Variants in ESR1 observed in about 807,000 individuals in gnomAD.
The protein encoded by ESR1 is estrogen receptor.
ESR1 carries 12 observed loss-of-function variants against 52.7 expected under a neutral mutation model. The observed-to-expected ratio is 0.23, with a 90% CI of 0.15 to 0.37. The LOEUF (loss-of-function observed/expected upper bound fraction) is 0.37, where lower values mean the gene tolerates loss of function less well. Among genes scored for constraint, ESR1 ranks in the 10% least tolerant of loss-of-function variants. The probability of loss-of-function intolerance (pLI) is 1.00; values close to 1 mark genes in which losing one functional copy is unlikely to be tolerated. For missense variants in ESR1, 584 were observed against 779.7 expected, an observed-to-expected ratio of 0.75 and a Z score of 2.99; for synonymous variants, 305 against 316.8, an observed-to-expected ratio of 0.96 and a Z score of 0.39.
At chr6:151,683,800 G>A (rs1338819369) in intron 1 of ESR1, among the ~76,000 whole-genome samples, 3 of 151,182 alleles carry the variant, frequency 2.0e-5, no homozygotes, top group Admixed American at 6.6e-5. Flanking sequence ...CCAGGTTCAA[G>A]CAATTCTCTC....
At chr6:151,819,112 C>T (rs543427021) in intron 1 of ESR1, among the ~76,000 whole-genome samples, 15 of 152,274 alleles carry the variant, frequency 9.9e-5, no homozygotes, top group Admixed American at 3.3e-4. Flanking sequence ...TGTTCCATCT[C>T]TGTTAGGCTG....
upstream of ESR1, chr6:151,807,661 T>A: frequency 1.7e-6 from 1 of 593,804 alleles, no homozygotes; most frequent in South Asian, 2.0e-5. Context: ...GTACTTAAAG[T>A]TGGAGGCCCG....
At chr6:151,677,459 C>T (rs1218943548) in intron 1 of ESR1, among the ~76,000 whole-genome samples, 1 of 152,172 alleles carries the variant, frequency 6.6e-6, no homozygotes, top group South Asian at 2.1e-4. Flanking sequence ...AATGAATGTA[C>T]ACACAGAGCC....
chr6:152,027,868 G>A (rs540681983), intron 5 of ESR1, among the ~76,000 whole-genome samples: 3 of 152,276 alleles, frequency 2.0e-5, no homozygotes, highest in Admixed American at 2.0e-4. Context: ...TTGGGGGCGG[G>A]TGCGGTGGCT....
intron 4 of ESR1, among the ~76,000 whole-genome samples, chr6:152,000,369 T>C (rs1049130720): frequency 2.7e-4 from 41 of 151,996 alleles, no homozygotes; most frequent in African/African-American, 9.9e-4. Context: ...TATCACACAT[T>C]CCATCCTCAT....
chr6:151,681,201 T>C (rs1562326027), intron 1 of ESR1, among the ~76,000 whole-genome samples: 1 of 152,226 alleles, frequency 6.6e-6, no homozygotes, highest in Non-Finnish European at 1.5e-5. Flanking sequence ...CCCAGTCTTG[T>C]TTGCACATCC....
intron 6 of ESR1, chr6:152,122,295 A>G (rs1238984190): frequency 7.5e-7 from 1 of 1,325,198 alleles, no homozygotes; most frequent in African/African-American, 1.4e-5. Flanking sequence ...TAATTTGCAC[A>G]CATGTGATCT....
At chr6:151,819,963 G>A (rs1032173236) in intron 1 of ESR1, among the ~76,000 whole-genome samples, 5 of 152,186 alleles carry the variant, frequency 3.3e-5, no homozygotes, top group Non-Finnish European at 4.4e-5. Flanking sequence ...TAGGTGCAGA[G>A]ATTGGGAACA....
intron 6 of ESR1, among the ~76,000 whole-genome samples, chr6:152,080,274 A>G (rs921993036): frequency 6.0e-5 from 9 of 151,260 alleles, no homozygotes; most frequent in African/African-American, 2.2e-4. Flanking sequence ...AGGGAAGCCC[A>G]TCAGACTAAT....
chr6:151,747,156 T>C (rs73621046), intron 2 of ESR1, among the ~76,000 whole-genome samples: 105 of 152,326 alleles, frequency 6.9e-4, no homozygotes, highest in African/African-American at 1.9e-3. Flanking sequence ...CCCTTCCTTT[T>C]AGTCAATTAG....
chr6:152,026,368 A>G (rs1185572920), intron 5 of ESR1, among the ~76,000 whole-genome samples: 1 of 151,940 alleles, frequency 6.6e-6, no homozygotes, highest in East Asian at 1.9e-4. Flanking sequence ...ATTGAATTTT[A>G]CCCTATCTAA....
intron 1 of ESR1, among the ~76,000 whole-genome samples, chr6:151,661,704 C>T (rs1777643482): frequency 6.6e-6 from 1 of 152,150 alleles, no homozygotes; most frequent in South Asian, 2.1e-4. Flanking sequence ...GTCCAGGGAG[C>T]GACCTGATGG....
Position 152,042,985 on chromosome 6 carries a change from A to G in ESR1, c.1236-18006A>G, listed in dbSNP as rs796267172. 4.1e-4 allele frequency among the ~76,000 whole-genome samples: 62 copies of G among 152,308 alleles called. 1 individual carries two copies. Among genetic ancestry groups the G allele is most frequent in the African/African-American group, 1.4e-3 (58 of 41,580 alleles). ...GACTGTGGTTCCCACTATAATATCT[A>G]GCATGCAGAGAAGAGCAATCACAGA... On this transcript the variant is annotated intron_variant, in intron 5 of 7. Coordinates refer to ENST00000206249, the MANE Select transcript of ESR1 (RefSeq NM_000125.4).
At chr6:151,974,082 C>T (rs1220217588) in intron 4 of ESR1, among the ~76,000 whole-genome samples, 4 of 152,102 alleles carry the variant, frequency 2.6e-5, no homozygotes, top group Admixed American at 2.6e-4. Context: ...AATGAGGGGT[C>T]ATCTGGGCTG....
chr6:151,733,228 C>T (rs3020343), intron 2 of ESR1, among the ~76,000 whole-genome samples: 73,362 of 152,026 alleles, frequency 0.48, 19,158 homozygotes, highest in Non-Finnish European at 0.57. Context: ...TGGGACCACA[C>T]AGTACGTAGT....
chr6:152,029,404 A>G (rs919890665), intron 5 of ESR1, among the ~76,000 whole-genome samples: 1 of 152,210 alleles, frequency 6.6e-6, no homozygotes, highest in Non-Finnish European at 1.5e-5. Flanking sequence ...AAAAGATTAG[A>G]CGAATGGCTA....
At chr6:151,742,830 G>A (rs982606636) in intron 2 of ESR1, among the ~76,000 whole-genome samples, 7 of 152,218 alleles carry the variant, frequency 4.6e-5, no homozygotes, top group African/African-American at 1.4e-4. Context: ...TATTTTTGAG[G>A]GAATGAATTA....
At chr6:151,777,301 T>C (rs1436732911) in intron 2 of ESR1, among the ~76,000 whole-genome samples, 3 of 151,836 alleles carry the variant, frequency 2.0e-5, no homozygotes, top group Admixed American at 2.0e-4. Context: ...GTATTTTTAG[T>C]AGAGACACGG....
At chr6:151,982,120 G>C (rs1649033909) in intron 4 of ESR1, among the ~76,000 whole-genome samples, 2 of 152,210 alleles carry the variant, frequency 1.3e-5, no homozygotes, top group African/African-American at 2.4e-5. Context: ...TGTGCCAGTT[G>C]GTGAAGATAT....
Sources: allele counts gnomAD v4.1 joint callset (sites outside exome capture counted in the v4.1 genomes callset), GRCh38; gene constraint gnomAD v4.1.1; transcripts MANE v1.5; gene names NCBI Gene and HGNC (gene_info 2026-07-23, HGNC 2026-07-21).